RPS6KC1: variants seen among roughly 807,000 people sequenced by gnomAD.
RPS6KC1 encodes the protein inactive ribosomal protein S6 kinase delta-1.
A neutral mutation model predicts 103.8 loss-of-function variants in RPS6KC1; 54 were observed. The ratio of observed to expected loss-of-function variants is 0.52; its 90% CI spans 0.42 to 0.65. The LOEUF is 0.65. Ranked by LOEUF, RPS6KC1 falls within the 30% of genes least tolerant of loss-of-function variation. RPS6KC1 has a pLI of 0.00. For synonymous variants in RPS6KC1, 439 were observed against 438.7 expected, an observed-to-expected ratio of 1.00 and a Z score of -0.01; for missense variants, 1,151 against 1,253.8, an observed-to-expected ratio of 0.92 and a Z score of 1.24.
At chr1:213,158,920 A>G (rs757430708) in intron 6 of RPS6KC1, among the ~76,000 whole-genome samples, 11 of 152,190 alleles carry the variant, frequency 7.2e-5, no homozygotes, top group Non-Finnish European at 1.5e-4. Context: ...AGGAATGTCT[A>G]TCTGGGAATG....
the RPS6KC1 span, among the ~76,000 whole-genome samples, chr1:213,770,145 T>G: frequency 6.6e-6 from 1 of 152,204 alleles, no homozygotes; most frequent in Non-Finnish European, 1.5e-5. Flanking sequence ...TTCCTGATTC[T>G]GGCCATTTCC....
chr1:213,442,198 G>C, the RPS6KC1 span, among the ~76,000 whole-genome samples: 3 of 152,262 alleles, frequency 2.0e-5, no homozygotes, highest in African/African-American at 4.8e-5. Flanking sequence ...TGATTCCTAC[G>C]AGTGCCTCTC....
chr1:213,752,300 C>T, the RPS6KC1 span, among the ~76,000 whole-genome samples: 1 of 151,942 alleles, frequency 6.6e-6, no homozygotes, highest in Admixed American at 6.6e-5. Context: ...TTTGGGCCTT[C>T]TGGATCACAG....
At chr1:213,801,969 G>A in the RPS6KC1 span, among the ~76,000 whole-genome samples, 1 of 152,138 alleles carries the variant, frequency 6.6e-6, no homozygotes, top group Non-Finnish European at 1.5e-5. Flanking sequence ...TACTTATCCC[G>A]AATTCAGTTT....
At chr1:213,656,843 G>C in the RPS6KC1 span, among the ~76,000 whole-genome samples, 7 of 152,174 alleles carry the variant, frequency 4.6e-5, no homozygotes, top group Non-Finnish European at 8.8e-5. Context: ...TATTCACAAC[G>C]ATCATTTCCT....
chr1:213,540,960 A>G, the RPS6KC1 span, among the ~76,000 whole-genome samples: 1 of 151,930 alleles, frequency 6.6e-6, no homozygotes, highest in African/African-American at 2.4e-5. Context: ...AAGTTTTATC[A>G]TGAGATTTTG....
the RPS6KC1 span, among the ~76,000 whole-genome samples, chr1:213,482,036 C>T: frequency 1.2e-4 from 18 of 152,200 alleles, no homozygotes; most frequent in African/African-American, 4.3e-4. Context: ...GAGACACCTG[C>T]TCCTGCTTCA....
chr1:213,253,203 TGTCTC>T (rs2094575218), intron 12 of RPS6KC1, among the ~76,000 whole-genome samples: 1 of 152,122 alleles, frequency 6.6e-6, no homozygotes, highest in African/African-American at 2.4e-5. Flanking sequence ...GTTATGGACT[TGTCTC>T]TGGGAATTTT....
At chr1:213,436,045 G>A in the RPS6KC1 span, among the ~76,000 whole-genome samples, 24 of 152,260 alleles carry the variant, frequency 1.6e-4, no homozygotes, top group African/African-American at 5.8e-4. Context: ...TTCAGGGGTC[G>A]CTATTCTTTG....
At chr1:213,756,829 C>T in the RPS6KC1 span, among the ~76,000 whole-genome samples, 72 of 152,130 alleles carry the variant, frequency 4.7e-4, no homozygotes, top group Non-Finnish European at 8.5e-4. Flanking sequence ...AGGCTGGTCT[C>T]GAACTCCTGA....
At chr1:213,132,971 C>T (rs1007090345) in intron 6 of RPS6KC1, among the ~76,000 whole-genome samples, 3 of 152,188 alleles carry the variant, frequency 2.0e-5, no homozygotes, top group Admixed American at 1.3e-4. Flanking sequence ...GGTATTTGCA[C>T]AGCTGAGACC....
At chr1:213,409,136 C>T in the RPS6KC1 span, among the ~76,000 whole-genome samples, 1 of 152,096 alleles carries the variant, frequency 6.6e-6, no homozygotes, top group African/African-American at 2.4e-5. Context: ...TGGTGCCACA[C>T]GATTATTACT....
chr1:213,491,621 G>A, the RPS6KC1 span, among the ~76,000 whole-genome samples: 2 of 152,206 alleles, frequency 1.3e-5, no homozygotes, highest in Non-Finnish European at 1.5e-5. Flanking sequence ...TTTGAAGAGG[G>A]TGGTTCCAGG....
At chr1:213,260,121 T>C (rs577844195) in intron 12 of RPS6KC1, among the ~76,000 whole-genome samples, 5 of 152,322 alleles carry the variant, frequency 3.3e-5, no homozygotes, top group African/African-American at 1.2e-4. Context: ...GTTAGGTAGT[T>C]CTCAATTTTT....
intron 8 of RPS6KC1, among the ~76,000 whole-genome samples, chr1:213,213,515 A>G (rs1284135606): frequency 6.6e-6 from 1 of 152,134 alleles, no homozygotes; most frequent in African/African-American, 2.4e-5. Context: ...GTTCTTCAGT[A>G]TTGTGTTAGC....
Position 213,241,742 on chromosome 1 carries a change from T to C in RPS6KC1, c.2266T>C (p.Ser756Pro). 6.2e-7 allele frequency: 1 copy of C among 1,613,996 alleles called. No homozygotes were observed. Among genetic ancestry groups the C allele is most frequent in the Non-Finnish European group, 8.5e-7 (1 of 1,179,940 alleles). ...EKGIEELSDP[S>P]GPKSYSITEK... ...AGGCATAGAGGAACTGAGTGATCCC[T>C]CTGGGCCCAAATCCTATAGTATAAC... The change falls in exon 11 of 15, where the codon TCT becomes CCT. Residue 756 changes from serine to proline, a missense_variant. Physicochemically the swap from Ser to Pro is moderately conservative, Grantham distance 74. This residue lies in a region of RPS6KC1 where 959 missense variants were observed against 1,006.3 expected (regional missense o/e 0.95). Transcript: ENST00000366960.
chr1:213,121,768 G>A lies in RPS6KC1; in HGVS notation c.472+4358G>A, dbSNP rs1009264. Among the ~76,000 whole-genome samples, 663 of 152,188 alleles carry A rather than the reference G, an allele frequency of 4.4e-3. 4 individuals carry two copies. Among genetic ancestry groups the A allele is most frequent in the African/African-American group, 0.015 (639 of 41,532 alleles). Reference sequence around the variant, plus strand: ...TCCTAATACATCACTTTTCAGTTTGGGGAGGGACATTTTTTCTGGTTCATG... The same window carrying A: ...TCCTAATACATCACTTTTCAGTTTGAGGAGGGACATTTTTTCTGGTTCATG... On this transcript the variant is annotated intron_variant, in intron 5 of 14. Transcript: ENST00000366960.
chr1:213,087,200 A>G (rs1459228729), intron 3 of RPS6KC1, among the ~76,000 whole-genome samples: 1 of 152,130 alleles, frequency 6.6e-6, no homozygotes, highest in East Asian at 1.9e-4. Flanking sequence ...TTTGTTATGT[A>G]TAGACTTCAT....
the RPS6KC1 span, among the ~76,000 whole-genome samples, chr1:213,798,700 A>G: frequency 1.2e-4 from 18 of 152,162 alleles, no homozygotes; most frequent in African/African-American, 4.1e-4. Context: ...CAAATATCCT[A>G]TACAGGTTCA....
Sources: allele counts gnomAD v4.1 joint callset (sites outside exome capture counted in the v4.1 genomes callset), GRCh38; gene constraint gnomAD v4.1.1; regional missense constraint gnomAD v4.1.1; transcripts MANE v1.5; gene names NCBI Gene and HGNC (gene_info 2026-07-23, HGNC 2026-07-21).